Variants in CELF2 observed in about 807,000 individuals in gnomAD.
CELF2 encodes CUG triplet repeat RNA-binding protein 2.
A neutral mutation model predicts 62.6 loss-of-function variants in CELF2; 8 were observed. The observed-to-expected ratio is 0.13, with a 90% CI of 0.07 to 0.23. The LOEUF is 0.23. Among genes scored for constraint, CELF2 ranks in the 10% least tolerant of loss-of-function variants. The pLI is 1.00. For synonymous variants in CELF2, 258 were observed against 250.0 expected (o/e 1.03, Z -0.30); for missense variants, 333 against 671.0 (o/e 0.50, Z 5.56).
chr10:10,736,490 C>T, the CELF2 span, among the ~76,000 whole-genome samples: 36 of 149,236 alleles, frequency 2.4e-4, no homozygotes, highest in Non-Finnish European at 4.3e-4. Flanking sequence ...TGGATATTTA[C>T]GATCAACATC....
At chr10:11,147,684 T>C (rs2062536411) in intron 1 of CELF2, among the ~76,000 whole-genome samples, 1 of 152,260 alleles carries the variant, frequency 6.6e-6, no homozygotes, top group Non-Finnish European at 1.5e-5. Flanking sequence ...GGATTCCTCT[T>C]GTATTTAATG....
At chr10:10,752,455 C>A in the CELF2 span, among the ~76,000 whole-genome samples, 2 of 151,978 alleles carry the variant, frequency 1.3e-5, no homozygotes, top group South Asian at 2.1e-4. Context: ...CTTTGGGAGG[C>A]CAACGTGGGC....
At chr10:10,659,917 G>T in the CELF2 span, among the ~76,000 whole-genome samples, 2 of 152,294 alleles carry the variant, frequency 1.3e-5, no homozygotes, top group Non-Finnish European at 2.9e-5. Flanking sequence ...GTGATCACAG[G>T]GTTGTTGAGA....
At chr10:11,049,225 TA>T (rs199569531) in intron 1 of CELF2, among the ~76,000 whole-genome samples, 12 of 150,202 alleles carry the variant, frequency 8.0e-5, no homozygotes, top group African/African-American at 2.2e-4. Flanking sequence ...TTTTTTTTTT[TA>T]AAACTGCCTG....
intron 1 of CELF2, among the ~76,000 whole-genome samples, chr10:11,026,406 T>C (rs1053565561): frequency 6.6e-6 from 1 of 152,200 alleles, no homozygotes. Context: ...AGGTGTTTTC[T>C]CTTTGGAACT....
rs1379497994 is a variant in CELF2 at position 11,243,137 on chromosome 10, T to C, written c.355-6016T>C. Reference sequence around the variant, plus strand: ...CCATGAGCTCCACCTTCATTGTGCATAGGACGCTGATTCTTAGTACACAGC... The same window carrying C: ...CCATGAGCTCCACCTTCATTGTGCACAGGACGCTGATTCTTAGTACACAGC... On this transcript the variant is annotated intron_variant, in intron 3 of 12. Coordinates refer to ENST00000633077, the MANE Select transcript of CELF2 (RefSeq NM_001326342.2). The surrounding 1 kb of genome is among the most constrained non-coding windows in gnomAD (Gnocchi z 4.1). Among the ~76,000 whole-genome samples the C allele has an allele frequency of 1.3e-5, 2 of 152,054 alleles. No homozygotes were observed. The highest frequency in any genetic ancestry group is 4.8e-5 in the African/African-American group (2 of 41,380).
upstream of CELF2, among the ~76,000 whole-genome samples, chr10:11,014,132 C>T (rs2056895731): frequency 6.6e-6 from 1 of 152,136 alleles, no homozygotes; most frequent in African/African-American, 2.4e-5. Flanking sequence ...ACTAAAACAG[C>T]TATGCTAATA....
chr10:11,283,984 GT>G, intron 8 of CELF2, among the ~76,000 whole-genome samples: 1 of 144,466 alleles, frequency 6.9e-6, no homozygotes, highest in Non-Finnish European at 1.5e-5. Context: ...ACGGATGAGT[GT>G]GTGGTGAGTG....
intron 1 of CELF2, among the ~76,000 whole-genome samples, chr10:11,123,409 C>T (rs1010137912): frequency 3.3e-5 from 5 of 152,124 alleles, no homozygotes; most frequent in African/African-American, 1.2e-4. Flanking sequence ...CGCCACCATC[C>T]CTGGCTAATT....
chr10:10,866,607 CAAAAAAAAAAA>C (rs55875778), intron 1 of CELF2, among the ~76,000 whole-genome samples: 1 of 52,508 alleles, frequency 1.9e-5, no homozygotes, highest in African/African-American at 8.6e-5. Flanking sequence ...TCCATCCTCT[CAAAAAAAAAAA>C]AAAAAAAAAA....
chr10:11,277,877 T>C (rs1226995597), intron 8 of CELF2, among the ~76,000 whole-genome samples: 1 of 152,220 alleles, frequency 6.6e-6, no homozygotes, highest in African/African-American at 2.4e-5. Context: ...ACAATTCACA[T>C]GTAATTTTTC....
chr10:10,503,218 T>G, the CELF2 span, among the ~76,000 whole-genome samples: 7 of 152,024 alleles, frequency 4.6e-5, no homozygotes, highest in East Asian at 1.9e-4. Context: ...GAGTGGGATA[T>G]TCTATAAATA....
chr10:10,612,623 A>T, the CELF2 span, among the ~76,000 whole-genome samples: 1 of 152,174 alleles, frequency 6.6e-6, no homozygotes, highest in African/African-American at 2.4e-5. Context: ...AAGCCTCTCA[A>T]TTTCTCCAGG....
chr10:10,930,391 T>C (rs1487637302), intron 2 of CELF2, among the ~76,000 whole-genome samples: 2 of 152,234 alleles, frequency 1.3e-5, no homozygotes. Flanking sequence ...ATTTTCCTTA[T>C]CTGCTCTGTA....
Position 11,309,596 on chromosome 10 carries a change from G to T in CELF2, c.977-4543G>T, listed in dbSNP as rs183338319. ...TATTTTTGGCCCAGGAGCATAAATT[G>T]TCCCCACAGTCTGCTCTGATTGTCC... On this transcript the variant is annotated intron_variant, in intron 9 of 12. Transcript: ENST00000633077. This position sits in a 1 kb window ranked among gnomAD's most constrained non-coding sequence, Gnocchi z 5.6. Among the ~76,000 whole-genome samples, 1 of 149,226 alleles carries T rather than the reference G, an allele frequency of 6.7e-6. No homozygotes were observed. Among genetic ancestry groups the T allele is most frequent in the Non-Finnish European group, 1.5e-5 (1 of 66,234 alleles).
At chr10:10,988,535 G>A (rs1449887908) in intron 2 of CELF2, among the ~76,000 whole-genome samples, 3 of 151,942 alleles carry the variant, frequency 2.0e-5, no homozygotes, top group Non-Finnish European at 4.4e-5. Context: ...GAGGTGGTGA[G>A]GGATAACAGA....
chr10:11,174,525 G>T (rs980132788), intron 2 of CELF2, among the ~76,000 whole-genome samples: 1 of 152,204 alleles, frequency 6.6e-6, no homozygotes, highest in African/African-American at 2.4e-5. Context: ...ACAGTGATCA[G>T]TTTGAAGAAT....
intron 1 of CELF2, among the ~76,000 whole-genome samples, chr10:11,019,651 T>C (rs1026630005): frequency 9.9e-5 from 15 of 152,192 alleles, no homozygotes; most frequent in African/African-American, 3.6e-4. Flanking sequence ...AAATTGTCTT[T>C]TGAGTCAATA....
intron 2 of CELF2, among the ~76,000 whole-genome samples, chr10:10,922,430 A>G (rs1269334819): frequency 6.6e-6 from 1 of 152,214 alleles, no homozygotes; most frequent in Non-Finnish European, 1.5e-5. Flanking sequence ...TTTGTAGAGC[A>G]GCTAAGAAGC....
Sources: gnomAD v4.1 joint callset for allele counts (sites outside exome capture counted in the v4.1 genomes callset) on GRCh38, gnomAD v4.1.1 for gene constraint, Gnocchi (gnomAD v3.1) non-coding constraint, MANE v1.5 for transcripts, NCBI Gene and HGNC (gene_info 2026-07-23, HGNC 2026-07-21) for gene names.